KDM2A: variants seen among roughly 807,000 people sequenced by gnomAD.
KDM2A encodes lysine-specific demethylase 2A.
In KDM2A, 3 loss-of-function variants were observed where a neutral mutation model predicts 137.3. The ratio of observed to expected loss-of-function variants is 0.02; its 90% CI spans 0.01 to 0.06. KDM2A has a LOEUF of 0.06. Among genes scored for constraint, KDM2A ranks in the 10% least tolerant of loss-of-function variants. The pLI is 1.00. For missense variants in KDM2A, 738 were observed against 1,510.6 expected (o/e 0.49, Z 8.48); for synonymous variants, 512 against 541.5 (o/e 0.95, Z 0.76).
At chr11:67,172,348 T>C (rs1249490615) in intron 2 of KDM2A, among the ~76,000 whole-genome samples, 1 of 152,186 alleles carries the variant, frequency 6.6e-6, no homozygotes, top group Non-Finnish European at 1.5e-5. Context: ...TAAGAATTGC[T>C]TTGAATTGGA....
intron 5 of KDM2A, among the ~76,000 whole-genome samples, chr11:67,200,552 C>T (rs1857594443): frequency 6.6e-6 from 1 of 151,622 alleles, no homozygotes; most frequent in South Asian, 2.1e-4. Flanking sequence ...CATTCTGTTG[C>T]CCAAGTTGGA....
intron 10 of KDM2A, among the ~76,000 whole-genome samples, chr11:67,220,590 A>G (rs960553537): frequency 6.6e-5 from 10 of 152,174 alleles, no homozygotes; most frequent in Non-Finnish European, 1.5e-5. Flanking sequence ...ATTTTTCTCT[A>G]GGATGATACA....
chr11:67,243,297 T>C (rs936309807), intron 13 of KDM2A, among the ~76,000 whole-genome samples: 2 of 152,204 alleles, frequency 1.3e-5, no homozygotes, highest in South Asian at 2.1e-4. Flanking sequence ...TTAACAGAAC[T>C]ATCAAACTGG....
At chr11:67,253,342 A>T in intron 18 of KDM2A, 111 bp from the exon 19 acceptor site, 3 of 892,364 alleles carry the variant, frequency 3.4e-6, no homozygotes, top group Non-Finnish European at 5.3e-6. Flanking sequence ...GATTAGGCAT[A>T]GTCCTTCTCT....
chr11:67,121,380 C>G (rs1384747310), intron 2 of KDM2A, 22 bp downstream of exon 2: 1 of 1,608,078 alleles, frequency 6.2e-7, no homozygotes, highest in African/African-American at 1.3e-5. Context: ...CTCCCCCCAC[C>G]ACACCCTCCA....
intron 2 of KDM2A, among the ~76,000 whole-genome samples, chr11:67,131,402 GTTTTC>G (rs1327066476): frequency 6.8e-6 from 1 of 146,754 alleles, no homozygotes. Flanking sequence ...CTACTTTAGT[GTTTTC>G]TTTTCTTTTT....
chr11:67,138,051 C>T (rs959646607), intron 2 of KDM2A, among the ~76,000 whole-genome samples: 2 of 152,150 alleles, frequency 1.3e-5, no homozygotes, highest in African/African-American at 4.8e-5. Context: ...CTGCCTCAGC[C>T]TCCCAAAGTG....
Position 67,254,121 on chromosome 11 carries a change from A to C in KDM2A, c.3092-82A>C, listed in dbSNP as rs762921486. The C allele has an allele frequency of 3.1e-5, 40 of 1,290,494 alleles. No homozygotes were observed. The highest frequency in any genetic ancestry group is 4.3e-5 in the Non-Finnish European group (40 of 927,038). 79.9% of individuals were successfully genotyped at this position (1,290,494 alleles called of 1,614,324 possible). On this transcript the variant is annotated intron_variant, in intron 19 of 20. Transcript: ENST00000529006. This position sits in a 1 kb window ranked among gnomAD's most constrained non-coding sequence, Gnocchi z 4.7. ...ACCCCTTCAAGGGGGCCTGGCCAGC[A>C]AGTAGCTGTTGCTGCCTGGAGCCTT...
At chr11:67,144,539 A>T (rs1381329741) in intron 2 of KDM2A, among the ~76,000 whole-genome samples, 1 of 151,732 alleles carries the variant, frequency 6.6e-6, no homozygotes, top group Non-Finnish European at 1.5e-5. Context: ...GGTGTGAGCC[A>T]CCGTGCCCGG....
At chr11:67,205,063 A>T (rs1341218681) in intron 5 of KDM2A, among the ~76,000 whole-genome samples, 2 of 152,156 alleles carry the variant, frequency 1.3e-5, no homozygotes, top group East Asian at 3.8e-4. Context: ...TGTTTAGTTT[A>T]TTGAGGAACT....
chr11:67,223,751 TG>T (rs1858445352), intron 10 of KDM2A, among the ~76,000 whole-genome samples: 1 of 152,104 alleles, frequency 6.6e-6, no homozygotes, highest in Admixed American at 6.5e-5. Context: ...AGCTTTCAAC[TG>T]ATTTCCAGAG....
intron 2 of KDM2A, among the ~76,000 whole-genome samples, chr11:67,146,135 G>A (rs1856241769): frequency 6.6e-6 from 1 of 151,516 alleles, no homozygotes; most frequent in Non-Finnish European, 1.5e-5. Flanking sequence ...GGGATTTCAG[G>A]CGCATACCAC....
intron 2 of KDM2A, among the ~76,000 whole-genome samples, chr11:67,159,749 T>C (rs1281891491): frequency 7.2e-5 from 11 of 152,194 alleles, no homozygotes. Flanking sequence ...AGATTTCTAC[T>C]CTCACATACC....
intron 2 of KDM2A, among the ~76,000 whole-genome samples, chr11:67,163,057 G>A (rs1856668640): frequency 1.3e-5 from 2 of 152,138 alleles, no homozygotes; most frequent in African/African-American, 2.4e-5. Flanking sequence ...TCCTACTTTT[G>A]TTAGTTACTT....
chr11:67,137,309 G>A (rs943259293), intron 2 of KDM2A, among the ~76,000 whole-genome samples: 2 of 152,208 alleles, frequency 1.3e-5, no homozygotes, highest in African/African-American at 2.4e-5. Flanking sequence ...GTAGTAATGC[G>A]TTTGGACCAA....
At chr11:67,180,426 T>C (rs1231919578) in intron 3 of KDM2A, 7 of 422,786 alleles carry the variant, frequency 1.7e-5, no homozygotes, top group Non-Finnish European at 2.9e-5. Context: ...AAGTAATCTT[T>C]TTATTAGGGC....
intron 16 of KDM2A, chr11:67,248,628 C>T (rs1565425196): frequency 7.4e-6 from 3 of 404,686 alleles, no homozygotes; most frequent in Non-Finnish European, 1.4e-5. Flanking sequence ...TACTCTGGGG[C>T]CCTACAAAGA....
At chr11:67,152,679 C>A (rs1856420851) in intron 2 of KDM2A, among the ~76,000 whole-genome samples, 1 of 151,646 alleles carries the variant, frequency 6.6e-6, no homozygotes, top group Non-Finnish European at 1.5e-5. Flanking sequence ...CATTTTGTTT[C>A]TTTTGAGCTC....
chr11:67,209,227 C>T (rs983016908), intron 6 of KDM2A, among the ~76,000 whole-genome samples: 14 of 151,892 alleles, frequency 9.2e-5, no homozygotes, highest in South Asian at 4.2e-4. Context: ...GCCACCACAC[C>T]GGGCCGAAAG....
Sources: allele counts gnomAD v4.1 joint callset (sites outside exome capture counted in the v4.1 genomes callset), GRCh38; gene constraint gnomAD v4.1.1; non-coding constraint Gnocchi (gnomAD v3.1); transcripts MANE v1.5; gene names NCBI Gene and HGNC (gene_info 2026-07-23, HGNC 2026-07-21).